XYLT1: variants seen among roughly 807,000 people sequenced by gnomAD.
The protein encoded by XYLT1 is beta-D-xylosyltransferase 1.
Under a neutral mutation model 91.3 loss-of-function variants are expected in XYLT1, and 36 were observed. That is an observed-to-expected ratio of 0.39 (90% CI 0.30 to 0.52). The LOEUF is 0.52. Ranked by LOEUF, XYLT1 falls within the 20% of genes least tolerant of loss-of-function variation. The probability of loss-of-function intolerance (pLI) is 0.68; values close to 1 mark genes in which losing one functional copy is unlikely to be tolerated. For missense variants in XYLT1, 1,242 were observed against 1,284.5 expected, an observed-to-expected ratio of 0.97 and a Z score of 0.51; for synonymous variants, 588 against 532.0, an observed-to-expected ratio of 1.11 and a Z score of -1.45.
intron 2 of XYLT1, 152 bp downstream of exon 2, chr16:17,357,860 T>A: frequency 1.3e-6 from 1 of 761,304 alleles, no homozygotes; most frequent in Non-Finnish European, 2.1e-6. Flanking sequence ...TATATGCCAG[T>A]GTGTATACAT....
Position 17,259,163 on chromosome 16 carries a change from G to T in XYLT1, c.738C>A (p.Ser246=). 1 of 1,599,998 alleles carries T rather than the reference G, an allele frequency of 6.3e-7. No individual in the cohort carries two copies. The highest frequency in any genetic ancestry group is 1.8e-5 in the Admixed American group (1 of 57,138). The change falls in exon 3 of 12, where the codon TCC becomes TCA. Residue 246 remains serine (S), a synonymous_variant. Transcript: ENST00000261381. ...GGGGCTGGTCATACTTGGTCTCGGG[G>T]GAGCTGCCCCCAGTTTTCCTGGCAT... ...PPHARKTGGS[S]PETKYDQPPK...
rs141634459 is a variant in XYLT1, at chr16:17,104,651, A to AAAAC, written c.*4040_*4043dup. The AAAAC allele has an allele frequency of 6.7e-6, 1 of 148,246 alleles. No homozygotes were observed. The highest frequency in any genetic ancestry group is 1.5e-5 in the Non-Finnish European group (1 of 67,950). 9.2% of individuals were successfully genotyped at this position (148,246 alleles called of 1,614,324 possible). On this transcript the variant is annotated 3_prime_UTR_variant, in exon 12 of 12. Transcript: ENST00000261381. ...TGCCCACTATCTGTTAAAAAAAACA[A>AAAAC]AAACAAACAAACAAACAACCCGACG...
intron 2 of XYLT1, among the ~76,000 whole-genome samples, chr16:17,301,610 G>A (rs577720593): frequency 4.6e-5 from 7 of 152,264 alleles, no homozygotes; most frequent in South Asian, 2.1e-4. Context: ...TCAGAACAGC[G>A]TGAAGCAGAT....
chr16:17,314,374 G>A (rs371999633), intron 2 of XYLT1, among the ~76,000 whole-genome samples: 19 of 152,108 alleles, frequency 1.2e-4, no homozygotes, highest in Admixed American at 8.5e-4. Context: ...AGCCCACCCC[G>A]CTGCACGTTG....
At chr16:17,339,191 A>G (rs533133453) in intron 2 of XYLT1, among the ~76,000 whole-genome samples, 1 of 152,222 alleles carries the variant, frequency 6.6e-6, no homozygotes, top group African/African-American at 2.4e-5. Flanking sequence ...GAGTTTGGGG[A>G]TCTATGGAGA....
intron 2 of XYLT1, among the ~76,000 whole-genome samples, chr16:17,270,792 G>A (rs1238701085): frequency 1.3e-5 from 2 of 152,150 alleles, no homozygotes; most frequent in South Asian, 2.1e-4. Context: ...ATGCCCATTC[G>A]TGCACACACT....
At chr16:17,173,554 ATGTCTGGCATATTATAGTTGC>A (rs2031874120) in intron 5 of XYLT1, among the ~76,000 whole-genome samples, 1 of 152,266 alleles carries the variant, frequency 6.6e-6, no homozygotes, top group South Asian at 2.1e-4. Context: ...GGCTAGCGCC[ATGTCTGGCATATTATAGTTGC>A]TCAATGCACA....
intron 3 of XYLT1, among the ~76,000 whole-genome samples, chr16:17,253,325 A>G (rs1313084748): frequency 6.6e-6 from 1 of 152,120 alleles, no homozygotes; most frequent in African/African-American, 2.4e-5. Flanking sequence ...AATGGCTTTT[A>G]AATGCCAATC....
intron 3 of XYLT1, among the ~76,000 whole-genome samples, chr16:17,223,442 C>T (rs533889828): frequency 1.3e-5 from 2 of 152,366 alleles, no homozygotes; most frequent in East Asian, 1.9e-4. Context: ...TACTTCACAT[C>T]GTTTGCAGTC....
rs1367017820 is a variant in XYLT1 at position 17,289,822 on chromosome 16, A to C, written c.403-30324T>G. ...CAAAACCCCAAACCCAGAGTGATGC[A>C]GAGGAAAGTCTAAGAGCTGTTTCAT... is the stretch of plus-strand genomic sequence containing the variant. On this transcript the variant is annotated intron_variant, in intron 2 of 11. Coordinates refer to ENST00000261381, the MANE Select transcript of XYLT1 (RefSeq NM_022166.4). 5.3e-5 allele frequency among the ~76,000 whole-genome samples: 8 copies of C among 152,354 alleles called. No individual in the cohort carries two copies. In the East Asian group the frequency reaches 1.5e-3, roughly 29 times the overall value.
At position 17,121,949 on chromosome 16, in the gene XYLT1, A is replaced by G. The variant is rs548526024; in HGVS notation, c.2224-3970T>C. On this transcript the variant is annotated intron_variant, in intron 10 of 11. Coordinates refer to ENST00000261381, the MANE Select transcript of XYLT1 (RefSeq NM_022166.4). The stretch of plus-strand genomic sequence containing the variant: ...GTTTCGTTCCTTTTTATGGCTGAGT[A>G]GTATTCCATGGGGTATATATATATA... Among the ~76,000 whole-genome samples, 5 of 151,658 alleles carry G rather than the reference A, an allele frequency of 3.3e-5. No individual in the cohort carries two copies. The South Asian group carries it at 6.2e-4, about 19-fold the overall frequency.
intron 1 of XYLT1, among the ~76,000 whole-genome samples, chr16:17,449,261 T>C (rs1315184248): frequency 6.6e-6 from 1 of 152,258 alleles, no homozygotes; most frequent in East Asian, 1.9e-4. Flanking sequence ...AGCCCCATCC[T>C]GGGGAAAGGC....
intron 2 of XYLT1, among the ~76,000 whole-genome samples, chr16:17,263,105 C>T (rs2033747807): frequency 6.6e-6 from 1 of 152,158 alleles, no homozygotes; most frequent in African/African-American, 2.4e-5. Context: ...TCTCTTCAGA[C>T]ATATCCTAAG....
rs115298606 is a variant in XYLT1, at chr16:17,225,461, G to A, written c.914-24807C>T. Among the ~76,000 whole-genome samples the A allele has an allele frequency of 1.8e-3, 274 of 152,284 alleles. 1 individual carries two copies. Among genetic ancestry groups the A allele is most frequent in the Middle Eastern group, 0.01 (3 of 294 alleles). On this transcript the variant is annotated intron_variant, in intron 3 of 11. Coordinates refer to ENST00000261381, the MANE Select transcript of XYLT1 (RefSeq NM_022166.4). Reference sequence around the variant, plus strand: ...GAGCTCAGGTTACAAAGTCCACCAAGCAGACCCTGCTGGTCTGGCTTGTAT... The same window carrying A: ...GAGCTCAGGTTACAAAGTCCACCAAACAGACCCTGCTGGTCTGGCTTGTAT...
chr16:17,191,886 G>A (rs985919584), intron 5 of XYLT1, among the ~76,000 whole-genome samples: 2 of 152,180 alleles, frequency 1.3e-5, no homozygotes, highest in Non-Finnish European at 2.9e-5. Context: ...GAAGTAGCAG[G>A]AAAATGTCAA....
rs539288553 is a variant in XYLT1 at position 17,219,734 on chromosome 16, G to C, written c.914-19080C>G. Among the ~76,000 whole-genome samples, 5 of 152,248 alleles carry C rather than the reference G, an allele frequency of 3.3e-5. No homozygotes were observed. In the East Asian group the frequency reaches 9.7e-4, roughly 29 times the overall value. ...TTGGCTCACTGCAACCTCTGCCTCT[G>C]GGTTCAAGTGATTCTCCTGTGCAGT... On this transcript the variant is annotated intron_variant, in intron 3 of 11. Transcript: ENST00000261381.
intron 5 of XYLT1, 200 bp downstream of exon 5, chr16:17,198,012 C>T (rs1396306064): frequency 1.3e-5 from 8 of 637,828 alleles, no homozygotes; most frequent in Non-Finnish European, 2.1e-5. Context: ...GCTGGGAAAA[C>T]CACGTGCTCA....
At chr16:17,338,801 T>A (rs547550125) in intron 2 of XYLT1, among the ~76,000 whole-genome samples, 54 of 152,258 alleles carry the variant, frequency 3.5e-4, no homozygotes, top group Non-Finnish European at 5.3e-4. Context: ...GTCAGGCTGG[T>A]CTTAAACTCC....
At position 17,176,040 on chromosome 16, in the gene XYLT1, C is replaced by CA. The variant is rs10635873; in HGVS notation, c.1290-17132dup. ...AGATGTTTTTAATAAATGGGGAATG[C>CA]AAAAAAAAAATGCGGTAAAATATCA... On this transcript the variant is annotated intron_variant, in intron 5 of 11. Transcript: ENST00000261381. Among the ~76,000 whole-genome samples, 1,056 of 148,984 alleles carry CA rather than the reference C, an allele frequency of 7.1e-3. 9 individuals carry two copies. The highest frequency in any genetic ancestry group is 0.016 in the African/African-American group (643 of 40,654).
Sources: gnomAD v4.1 joint callset for allele counts (sites outside exome capture counted in the v4.1 genomes callset) on GRCh38, gnomAD v4.1.1 for gene constraint, MANE v1.5 for transcripts, NCBI Gene and HGNC (gene_info 2026-07-23, HGNC 2026-07-21) for gene names.